PRKN: variants seen among roughly 807,000 people sequenced by gnomAD.
PRKN encodes the protein E3 ubiquitin-protein ligase parkin.
Under a neutral mutation model 59.5 loss-of-function variants are expected in PRKN, and 56 were observed. The observed-to-expected ratio is 0.94, with a 90% CI of 0.76 to 1.18. PRKN has a LOEUF of 1.18. PRKN is among the 50% of genes most tolerant of loss of function. The probability of loss-of-function intolerance (pLI) is 0.00; values close to 1 mark genes in which losing one functional copy is unlikely to be tolerated. For synonymous variants in PRKN, 250 were observed against 222.1 expected (o/e 1.13, Z -1.12); for missense variants, 657 against 596.4 (o/e 1.10, Z -1.06).
At chr6:161,469,140 G>C (rs1031772945) in intron 9 of PRKN, among the ~76,000 whole-genome samples, 1 of 152,156 alleles carries the variant, frequency 6.6e-6, no homozygotes, top group Non-Finnish European at 1.5e-5. Flanking sequence ...ATGTCACCTT[G>C]AATTGTAATA....
intron 5 of PRKN, among the ~76,000 whole-genome samples, chr6:162,008,822 T>C (rs1428579453): frequency 6.6e-6 from 1 of 152,134 alleles, no homozygotes; most frequent in East Asian, 1.9e-4. Flanking sequence ...AAGGGGATTT[T>C]AACAGGAAAG....
At chr6:162,720,485 C>T (rs1283018012) in intron 1 of PRKN, among the ~76,000 whole-genome samples, 2 of 138,424 alleles carry the variant, frequency 1.4e-5, no homozygotes, top group East Asian at 4.5e-4. Context: ...GCTCTGTCGC[C>T]CAGGCCGGAC....
At chr6:161,677,184 G>C (rs1785118611) in intron 7 of PRKN, among the ~76,000 whole-genome samples, 1 of 152,142 alleles carries the variant, frequency 6.6e-6, no homozygotes, top group Non-Finnish European at 1.5e-5. Context: ...CCAGGAAACA[G>C]GGGTGATACA....
chr6:162,049,623 C>A (rs1389085053), intron 5 of PRKN, among the ~76,000 whole-genome samples: 2 of 152,152 alleles, frequency 1.3e-5, no homozygotes, highest in African/African-American at 4.8e-5. Context: ...TGTTCAAATA[C>A]AAATTTAGCT....
intron 3 of PRKN, among the ~76,000 whole-genome samples, chr6:162,222,782 A>G (rs999821552): frequency 6.6e-6 from 1 of 152,156 alleles, no homozygotes; most frequent in Admixed American, 6.5e-5. Context: ...AATTTATTAC[A>G]CAGCAAAAAA....
chr6:162,157,202 T>C (rs1239161700), intron 4 of PRKN, among the ~76,000 whole-genome samples: 2 of 151,962 alleles, frequency 1.3e-5, no homozygotes, highest in Admixed American at 1.3e-4. Context: ...CCTCTGCCTC[T>C]TCCCCACCAC....
chr6:162,693,851 ATTTAAC>A (rs1777870520), intron 1 of PRKN, among the ~76,000 whole-genome samples: 1 of 152,246 alleles, frequency 6.6e-6, no homozygotes. Flanking sequence ...GCACATGCAT[ATTTAAC>A]ATGATACACA....
At chr6:161,700,154 G>T (rs1786193688) in intron 7 of PRKN, among the ~76,000 whole-genome samples, 1 of 151,552 alleles carries the variant, frequency 6.6e-6, no homozygotes, top group African/African-American at 2.4e-5. Context: ...CAATTGCAGT[G>T]CCTGTTTGGC....
chr6:161,949,448 T>G (rs1583392868), intron 6 of PRKN, among the ~76,000 whole-genome samples: 1 of 151,864 alleles, frequency 6.6e-6, no homozygotes, highest in East Asian at 1.9e-4. Flanking sequence ...GAGGTGGAGG[T>G]TGCGGTGAGC....
chr6:162,131,623 C>T (rs1012416832), intron 4 of PRKN, among the ~76,000 whole-genome samples: 8 of 152,144 alleles, frequency 5.3e-5, no homozygotes, highest in African/African-American at 1.9e-4. Context: ...CCTTGAGCTA[C>T]TTTCTTGGTA....
In PRKN at chr6:161,529,778, T is replaced by C. The variant is rs907939239; in HGVS notation, c.1083+19076A>G. Among the ~76,000 whole-genome samples, 1 of 152,132 alleles carries C rather than the reference T, an allele frequency of 6.6e-6. No individual in the cohort carries two copies. Among genetic ancestry groups the C allele is most frequent in the Non-Finnish European group, 1.5e-5 (1 of 68,028 alleles). On this transcript the variant is annotated intron_variant, in intron 9 of 11. Transcript: ENST00000366898. This position sits in a 1 kb window ranked among gnomAD's most constrained non-coding sequence, Gnocchi z 4.4. ...CTGATTTTTGTCTCTGGCTGGAAAA[T>C]TTTTCATGGGTTACACATTCTTTCA...
At chr6:162,050,954 T>C (rs1777613048) in intron 5 of PRKN, among the ~76,000 whole-genome samples, 1 of 152,060 alleles carries the variant, frequency 6.6e-6, no homozygotes, top group African/African-American at 2.4e-5. Context: ...CGGAAAGGCC[T>C]GGAGAAGCAG....
chr6:162,608,859 T>A (rs762722308), intron 1 of PRKN, among the ~76,000 whole-genome samples: 2 of 152,096 alleles, frequency 1.3e-5, no homozygotes, highest in African/African-American at 2.4e-5. Flanking sequence ...CCTTTAGGAC[T>A]GAAGGGACAG....
intron 3 of PRKN, among the ~76,000 whole-genome samples, chr6:162,224,224 A>G (rs942272494): frequency 1.3e-5 from 2 of 152,204 alleles, no homozygotes; most frequent in African/African-American, 4.8e-5. Flanking sequence ...CTGGTCAACA[A>G]TGGACTGCAT....
chr6:161,617,878 TC>T (rs1465883195), intron 7 of PRKN, among the ~76,000 whole-genome samples: 3 of 152,230 alleles, frequency 2.0e-5, no homozygotes, highest in Admixed American at 2.0e-4. Flanking sequence ...ATCGGTAGAT[TC>T]CTTGTCTATT....
intron 1 of PRKN, among the ~76,000 whole-genome samples, chr6:162,475,056 A>G (rs749527245): frequency 2.6e-5 from 4 of 152,202 alleles, no homozygotes; most frequent in Non-Finnish European, 2.9e-5. Flanking sequence ...AATCATATTT[A>G]CCTTCTGATA....
chr6:161,676,619 A>T (rs934249784), intron 7 of PRKN, among the ~76,000 whole-genome samples: 1 of 152,210 alleles, frequency 6.6e-6, no homozygotes, highest in South Asian at 2.1e-4. Flanking sequence ...GTGGTTGAGT[A>T]GCTGGGACAG....
intron 2 of PRKN, among the ~76,000 whole-genome samples, chr6:162,346,086 A>G (rs1784392320): frequency 1.3e-5 from 2 of 152,170 alleles, no homozygotes; most frequent in Admixed American, 6.5e-5. Flanking sequence ...AGGACATTCC[A>G]GCCTTCAGAA....
At position 161,942,859 on chromosome 6, in the gene PRKN, G is replaced by T. The variant is rs187138575; in HGVS notation, c.734+30443C>A. 3.1e-3 allele frequency among the ~76,000 whole-genome samples: 468 copies of T among 152,270 alleles called. 5 individuals carry two copies. The highest frequency in any genetic ancestry group is 4.6e-3 in the Non-Finnish European group (315 of 68,018). On this transcript the variant is annotated intron_variant, in intron 6 of 11. Transcript: ENST00000366898. ...ACCCCTTTAAGAGTAGGCAAAAAGAGAAAATAGCTGGAGTATCCAACAGGA... is the reference window on the plus strand; with the variant it reads ...ACCCCTTTAAGAGTAGGCAAAAAGATAAAATAGCTGGAGTATCCAACAGGA...
Sources: allele counts gnomAD v4.1 joint callset (sites outside exome capture counted in the v4.1 genomes callset), GRCh38; gene constraint gnomAD v4.1.1; non-coding constraint Gnocchi (gnomAD v3.1); transcripts MANE v1.5; gene names NCBI Gene and HGNC (gene_info 2026-07-23, HGNC 2026-07-21).